The following CASZ1 variants were observed in gnomAD, a reference collection of about 807,000 sequenced individuals.
CASZ1 encodes the protein zinc finger protein castor homolog 1.
A neutral mutation model predicts 135.2 loss-of-function variants in CASZ1; 28 were observed. The observed-to-expected ratio is 0.21, with a 90% CI of 0.15 to 0.28. The LOEUF is 0.28. Ranked by LOEUF, CASZ1 falls within the 10% of genes least tolerant of loss-of-function variation. CASZ1 has a pLI of 1.00. For missense variants in CASZ1, 2,161 were observed against 2,453.3 expected, an observed-to-expected ratio of 0.88 and a Z score of 2.52; for synonymous variants, 1,068 against 1,073.4, an observed-to-expected ratio of 0.99 and a Z score of 0.10.
chr1:10,641,152 G>T (rs537852147), intron 20 of CASZ1, among the ~76,000 whole-genome samples: 1 of 152,380 alleles, frequency 6.6e-6, no homozygotes, highest in African/African-American at 2.4e-5. Flanking sequence ...AGGCCACCCG[G>T]AGTGGACAAA....
chr1:10,702,715 C>T (rs1639088156), intron 3 of CASZ1, among the ~76,000 whole-genome samples: 1 of 152,088 alleles, frequency 6.6e-6, no homozygotes, highest in Non-Finnish European at 1.5e-5. Context: ...TTCCACTGCC[C>T]CACCCCTGCC....
chr1:10,681,266 C>T (rs537247278), intron 4 of CASZ1, among the ~76,000 whole-genome samples: 3 of 152,044 alleles, frequency 2.0e-5, no homozygotes, highest in East Asian at 3.9e-4. Flanking sequence ...CTGACCTCCA[C>T]GCCTGGCCCA....
In CASZ1 at chr1:10,706,193, G is replaced by C. The variant is rs1206071797; in HGVS notation, c.-76-649C>G. 6.6e-6 allele frequency among the ~76,000 whole-genome samples: 1 copy of C among 152,210 alleles called. No homozygotes were observed. Among genetic ancestry groups the C allele is most frequent in the Non-Finnish European group, 1.5e-5 (1 of 68,032 alleles). On this transcript the variant is annotated intron_variant, in intron 2 of 20. Coordinates refer to ENST00000377022, the MANE Select transcript of CASZ1 (RefSeq NM_001079843.3). The surrounding 1 kb of genome is among the most constrained non-coding windows in gnomAD (Gnocchi z 4.3). ...AGACCGTGCAGGGAGAGGGACGATG[G>C]TCAGACAACGTGGAGGCTTTAACCA...
In CASZ1 at chr1:10,796,627, A is replaced by C. The variant is rs974435175; in HGVS notation, c.-297T>G. The C allele has an allele frequency of 6.6e-6, 1 of 152,232 alleles. No homozygotes were observed. Among genetic ancestry groups the C allele is most frequent in the African/African-American group, 2.4e-5 (1 of 41,452 alleles). The allele number at this position is 152,232 out of a possible 1,614,324, so 9.4% of individuals were successfully genotyped here. ...GGGGAAAAATGTGTGTGTGTTTGGG[A>C]TGGAGCGCCGCGGGCGCGCATGCGC... On this transcript the variant is annotated 5_prime_UTR_variant, in exon 1 of 21. Coordinates refer to ENST00000377022, the MANE Select transcript of CASZ1 (RefSeq NM_001079843.3).
At chr1:10,695,370 C>T (rs977182911) in intron 3 of CASZ1, among the ~76,000 whole-genome samples, 34 of 152,182 alleles carry the variant, frequency 2.2e-4, no homozygotes, top group African/African-American at 8.2e-4. Context: ...ACTCCTCCCT[C>T]AAAGTTGGGC....
chr1:10,663,914 G>C (rs1643138184), intron 5 of CASZ1, among the ~76,000 whole-genome samples: 1 of 152,174 alleles, frequency 6.6e-6, no homozygotes, highest in Admixed American at 6.5e-5. Context: ...TCAGCTGCGG[G>C]CAGAGCTGGC....
chr1:10,640,437 G>A (rs1333188218), intron 20 of CASZ1, among the ~76,000 whole-genome samples: 1 of 152,200 alleles, frequency 6.6e-6, no homozygotes, highest in African/African-American at 2.4e-5. Flanking sequence ...AATTAGCCAA[G>A]TTGGACTCGG....
chr1:10,723,255 C>G (rs1010870083), intron 2 of CASZ1, among the ~76,000 whole-genome samples: 1 of 152,144 alleles, frequency 6.6e-6, no homozygotes, highest in Admixed American at 6.5e-5. Flanking sequence ...GCCCACCTCC[C>G]CCTGGCCTGT....
Position 10,654,598 on chromosome 1 carries a change from A to G in CASZ1, c.1666-7T>C, listed in dbSNP as rs1642726072. On this transcript the variant is annotated splice_region_variant and splice_polypyrimidine_tract_variant and intron_variant, in intron 9 of 20. Coordinates refer to ENST00000377022, the MANE Select transcript of CASZ1 (RefSeq NM_001079843.3). The stretch of plus-strand genomic sequence containing the variant: ...ACACCTTGTTACAGCCCACCTGCAC[A>G]GGACGGGATGGTGGTCAGGCGAACG... The G allele has an allele frequency of 6.2e-7, 1 of 1,612,602 alleles. No individual in the cohort carries two copies. The highest frequency in any genetic ancestry group is 8.5e-7 in the Non-Finnish European group (1 of 1,178,842).
intron 1 of CASZ1, among the ~76,000 whole-genome samples, chr1:10,787,350 G>C (rs114296404): frequency 6.6e-6 from 1 of 152,152 alleles, no homozygotes; most frequent in Non-Finnish European, 1.5e-5. Context: ...GGGGCCACCC[G>C]TGTCTCACCC....
In CASZ1 at chr1:10,665,123, G is replaced by A; in HGVS notation, c.465C>T (p.Ala155=). 2 of 1,518,558 alleles carry A rather than the reference G, an allele frequency of 1.3e-6. No homozygotes were observed. Among genetic ancestry groups the A allele is most frequent in the Non-Finnish European group, 1.8e-6 (2 of 1,132,796 alleles). The allele number at this position is 1,518,558 out of a possible 1,614,324, so 94.1% of individuals were successfully genotyped here. ...TGCTGGGGCCGCTGTCCTCCTTGGA[G>A]GCTGCCCCGTCCGAATCCTTCTCCT... is the stretch of plus-strand genomic sequence containing the variant. The part of the protein sequence containing the change: ...ALEEKDSDGA[A]SKEDSGPSTR... The change falls in exon 5 of 21, where the codon GCC becomes GCT. Residue 155 remains alanine, a synonymous_variant. Coordinates refer to ENST00000377022, the MANE Select transcript of CASZ1 (RefSeq NM_001079843.3).
chr1:10,708,546 G>A (rs909054319), intron 2 of CASZ1, among the ~76,000 whole-genome samples: 1 of 152,196 alleles, frequency 6.6e-6, no homozygotes, highest in Non-Finnish European at 1.5e-5. Flanking sequence ...CCTATCGGCT[G>A]CTGCACCTGC....
Position 10,685,578 on chromosome 1 carries a change from T to C in CASZ1, c.16+8296A>G, listed in dbSNP as rs527893325. On this transcript the variant is annotated intron_variant, in intron 4 of 20. Transcript: ENST00000377022. ...ACCTGGGTGAGTTTGTCAGGGAGCA[T>C]GGCACTGGAGAGAAGGGAGGCTCCT... 2.6e-5 allele frequency among the ~76,000 whole-genome samples: 4 copies of C among 152,342 alleles called. No homozygotes were observed. In the East Asian group the frequency reaches 5.8e-4, roughly 22 times the overall value.
chr1:10,642,250 G>A lies in CASZ1; in HGVS notation c.4162+609C>T, dbSNP rs376062894. 933 of 154,020 alleles carry A rather than the reference G, an allele frequency of 6.1e-3. 8 individuals are homozygous for A. Among genetic ancestry groups the A allele is most frequent in the Non-Finnish European group, 8.5e-3 (590 of 69,424 alleles). 9.5% of individuals were successfully genotyped at this position (154,020 alleles called of 1,614,324 possible). On this transcript the variant is annotated intron_variant, in intron 20 of 20. Transcript: ENST00000377022. ...GAAGGATGGAGTCGCTGGCGGCTGCGGGGCCGTGCGGGCAGCCTCATCACC... is the reference window on the plus strand; with the variant it reads ...GAAGGATGGAGTCGCTGGCGGCTGCAGGGCCGTGCGGGCAGCCTCATCACC...
intron 15 of CASZ1, 111 bp from the exon 16 acceptor site, chr1:10,648,250 C>G (rs950243167): frequency 7.8e-6 from 6 of 771,902 alleles, no homozygotes; most frequent in Middle Eastern, 2.9e-4. Context: ...CCTACTCGTC[C>G]CCATCACTCA....
chr1:10,714,990 C>A (rs1285677652), intron 2 of CASZ1, among the ~76,000 whole-genome samples: 1 of 152,220 alleles, frequency 6.6e-6, no homozygotes, highest in Non-Finnish European at 1.5e-5. Context: ...CGCCGCTCAG[C>A]CGCGGGCCTA....
At chr1:10,742,210 G>A (rs983100154) in intron 2 of CASZ1, among the ~76,000 whole-genome samples, 5 of 152,194 alleles carry the variant, frequency 3.3e-5, no homozygotes, top group Admixed American at 2.6e-4. Flanking sequence ...CAAGAACCAC[G>A]GAGGAGGACA....
chr1:10,665,136 G>A lies in CASZ1; in HGVS notation c.452C>T (p.Ser151Leu), dbSNP rs116460699. The change falls in exon 5 of 21, where the codon TCG becomes TTG. Residue 151 changes from serine (S) to leucine (L), a missense_variant. Physicochemically the swap from Ser to Leu is moderately radical, Grantham distance 145. This residue lies in a region of CASZ1 where 590 missense variants were observed against 609.8 expected (regional missense o/e 0.97). Transcript: ENST00000377022. ...GTCCTCCTTGGAGGCTGCCCCGTCC[G>A]AATCCTTCTCCTCCAGGGCACCGCC... ...KDGGALEEKDSDGAASKEDSG... is the reference protein window; with the variant it reads ...KDGGALEEKDLDGAASKEDSG... The A allele has an allele frequency of 0.03, 45,715 of 1,527,778 alleles. 837 individuals carry two copies. Among genetic ancestry groups the A allele is most frequent in the Non-Finnish European group, 0.035 (39,920 of 1,136,458 alleles). The allele number at this position is 1,527,778 out of a possible 1,614,324, so 94.6% of individuals were successfully genotyped here.
chr1:10,736,601 C>T (rs1439079903), intron 2 of CASZ1, among the ~76,000 whole-genome samples: 1 of 152,220 alleles, frequency 6.6e-6, no homozygotes, highest in Non-Finnish European at 1.5e-5. Flanking sequence ...TGATCACTCC[C>T]CAAAACACAC....
Sources: gnomAD v4.1 joint callset for allele counts (sites outside exome capture counted in the v4.1 genomes callset) on GRCh38, gnomAD v4.1.1 for gene constraint, gnomAD v4.1.1 regional missense constraint, Gnocchi (gnomAD v3.1) non-coding constraint, MANE v1.5 for transcripts, NCBI Gene and HGNC (gene_info 2026-07-23, HGNC 2026-07-21) for gene names.